RP1: variants seen among roughly 807,000 people sequenced by gnomAD.
RP1 encodes the protein RP1 axonemal microtubule associated.
In RP1, 16 loss-of-function variants were observed where a neutral mutation model predicts 14.8. The ratio of observed to expected loss-of-function variants is 1.08; its 90% CI spans 0.73 to 1.65. The LOEUF (loss-of-function observed/expected upper bound fraction) is 1.65, where lower values mean the gene tolerates loss of function less well. Among genes scored for constraint, RP1 ranks in the 40% most tolerant of loss-of-function variants. The probability of loss-of-function intolerance (pLI) is 0.00; values close to 1 mark genes in which losing one functional copy is unlikely to be tolerated. For missense variants in RP1, 2,631 were observed against 2,535.0 expected (o/e 1.04, Z -0.81); for synonymous variants, 876 against 883.6 (o/e 0.99, Z 0.15).
intron 5 of RP1, among the ~76,000 whole-genome samples, chr8:54,653,386 A>G (rs1459395700): frequency 1.3e-5 from 2 of 152,206 alleles, no homozygotes; most frequent in Non-Finnish European, 2.9e-5. Context: ...CAGACCTCCA[A>G]CACTGGAAAT....
intron 7 of RP1, among the ~76,000 whole-genome samples, chr8:54,668,076 GC>G (rs1807058491): frequency 6.6e-6 from 1 of 152,086 alleles, no homozygotes; most frequent in African/African-American, 2.4e-5. Context: ...GAACATCAAT[GC>G]AAAAATCCTC....
At chr8:54,754,812 C>A (rs759210959) in exon 20 of RP1, 2 of 1,511,972 alleles carry the variant, frequency 1.3e-6, no homozygotes, top group Admixed American at 2.1e-5. Flanking sequence ...GGTGACCATG[C>A]AACATATGAA....
upstream of RP1, among the ~76,000 whole-genome samples, chr8:54,613,107 T>A (rs757558545): frequency 1.6e-4 from 25 of 152,234 alleles, no homozygotes; most frequent in Non-Finnish European, 3.4e-4. Context: ...GCATTAATTA[T>A]CTGTTGAACA....
intron 25 of RP1, among the ~76,000 whole-genome samples, chr8:54,840,110 GC>G (rs1811756343): frequency 6.6e-6 from 1 of 152,010 alleles, no homozygotes; most frequent in Non-Finnish European, 1.5e-5. Context: ...TCACCTCATT[GC>G]TAACATGTCA....
At chr8:54,704,098 T>C (rs1432215650) in intron 14 of RP1, among the ~76,000 whole-genome samples, 1 of 152,216 alleles carries the variant, frequency 6.6e-6, no homozygotes, top group Non-Finnish European at 1.5e-5. Flanking sequence ...GCATTTCTGA[T>C]CTGCTTCAAG....
rs549447504 is a variant in RP1, at chr8:54,754,704, T to G, written c.2809-99T>G. 1.2e-3 allele frequency: 1,523 copies of G among 1,218,516 alleles called. 3 individuals carry two copies. The highest frequency in any genetic ancestry group is 1.6e-3 in the Non-Finnish European group (1,442 of 917,724). The allele number at this position is 1,218,516 out of a possible 1,614,324, so 75.5% of individuals were successfully genotyped here. On this transcript the variant is annotated intron_variant, in intron 19 of 22. Coordinates refer to the RP1 transcript ENST00000636932. ...CACCGCTATCACCATCATCAGAGTA[T>G]GCAGTACACTTTTGAAATCCCTGGG... is the stretch of plus-strand genomic sequence containing the variant.
chr8:54,574,453 G>C (rs967380250), intron 1 of RP1, among the ~76,000 whole-genome samples: 1 of 152,066 alleles, frequency 6.6e-6, no homozygotes, highest in African/African-American at 2.4e-5. Flanking sequence ...TAGGTTTTGG[G>C]TAAGAAGAAA....
chr8:54,863,924 A>G (rs2129329359), intron 27 of RP1, among the ~76,000 whole-genome samples: 1 of 152,352 alleles, frequency 6.6e-6, no homozygotes, highest in South Asian at 2.1e-4. Context: ...TCTTATCAGT[A>G]TATGCCTAGA....
At position 54,694,690 on chromosome 8, in the gene RP1, T is replaced by C. The variant is rs148366784; in HGVS notation, c.1718-4777T>C. The stretch of plus-strand genomic sequence containing the variant: ...ATCCCCTTTATTATTTTTTATTGCA[T>C]CTATTTGATTCTTCTGTCTTTTCTT... On this transcript the variant is annotated intron_variant, in intron 12 of 22. Transcript: ENST00000636932. 6.4e-3 allele frequency among the ~76,000 whole-genome samples: 977 copies of C among 151,854 alleles called. 27 individuals carry two copies. The highest frequency in any genetic ancestry group is 0.056 in the East Asian group (288 of 5,180).
chr8:54,696,742 G>A (rs1376644173), intron 12 of RP1: 6 of 723,234 alleles, frequency 8.3e-6, no homozygotes, highest in Middle Eastern at 3.3e-4. Context: ...TAAAGAAAAT[G>A]TTTAGTGGTG....
intron 16 of RP1, among the ~76,000 whole-genome samples, chr8:54,722,335 A>G (rs1197555001): frequency 6.7e-6 from 1 of 149,494 alleles, no homozygotes. Flanking sequence ...CAGTGGCGCT[A>G]TCTCGGCTCA....
chr8:54,735,534 T>C (rs1025316013), intron 18 of RP1, among the ~76,000 whole-genome samples: 1 of 152,206 alleles, frequency 6.6e-6, no homozygotes, highest in Non-Finnish European at 1.5e-5. Context: ...GGACAACTCA[T>C]GTCACCAGGA....
intron 1 of RP1, among the ~76,000 whole-genome samples, chr8:54,593,831 G>A (rs571179844): frequency 2.0e-5 from 3 of 152,342 alleles, no homozygotes; most frequent in East Asian, 3.9e-4. Context: ...AGTCTAATCC[G>A]TGGGGTGCTC....
Position 54,622,859 on chromosome 8 carries a change from C to T in RP1, c.787+571C>T, listed in dbSNP as rs540597733. Among the ~76,000 whole-genome samples, 3 of 152,280 alleles carry T rather than the reference C, an allele frequency of 2.0e-5. No homozygotes were observed. In the East Asian group the frequency reaches 5.8e-4, roughly 29 times the overall value. On this transcript the variant is annotated intron_variant, in intron 3 of 3. Transcript: ENST00000220676. ...TGTAGGATCTGCTGTGTAGCATTAT[C>T]CTTTGGATAGGGGAGGAAGAGGGCC...
chr8:54,563,737 T>G (rs1227385145), intron 1 of RP1, among the ~76,000 whole-genome samples: 1 of 152,032 alleles, frequency 6.6e-6, no homozygotes, highest in Non-Finnish European at 1.5e-5. Flanking sequence ...TTTGTAGAGA[T>G]GAGATCTTAC....
At chr8:54,602,744 T>C (rs1805322032) in intron 1 of RP1, among the ~76,000 whole-genome samples, 1 of 152,220 alleles carries the variant, frequency 6.6e-6, no homozygotes, top group African/African-American at 2.4e-5. Context: ...TGGTGTGAGA[T>C]GGTATCTCAT....
chr8:54,667,618 T>C (rs1323748075), intron 7 of RP1, among the ~76,000 whole-genome samples: 1 of 152,138 alleles, frequency 6.6e-6, no homozygotes, highest in East Asian at 1.9e-4. Flanking sequence ...TTTTTCTACC[T>C]GTTTCGGTGT....
intron 25 of RP1, among the ~76,000 whole-genome samples, chr8:54,849,935 G>A (rs1171226282): frequency 2.0e-5 from 3 of 152,186 alleles, no homozygotes; most frequent in Admixed American, 2.0e-4. Flanking sequence ...AATACATAGT[G>A]TAGCTATCAA....
intron 7 of RP1, among the ~76,000 whole-genome samples, chr8:54,667,738 C>T (rs432393): frequency 0.59 from 89,397 of 151,904 alleles, 27,431 homozygotes; most frequent in Middle Eastern, 0.78. Context: ...CATGGAAGAA[C>T]TGAAAGTCAG....
Sources: allele counts gnomAD v4.1 joint callset (sites outside exome capture counted in the v4.1 genomes callset), GRCh38; gene constraint gnomAD v4.1.1; transcripts MANE v1.5; gene names NCBI Gene and HGNC (gene_info 2026-07-23, HGNC 2026-07-21).